TENM3: variants seen among roughly 807,000 people sequenced by gnomAD.
The protein encoded by TENM3 is teneurin transmembrane protein 3, also known as teneurin-3.
TENM3 carries 63 observed loss-of-function variants against 255.1 expected under a neutral mutation model. The observed-to-expected ratio is 0.25, with a 90% CI of 0.20 to 0.30. TENM3 has a LOEUF of 0.30. TENM3 is among the 10% of genes least tolerant of loss of function. The pLI, the probability that TENM3 is intolerant of heterozygous loss-of-function variation, is 1.00. For synonymous variants in TENM3, 1,306 were observed against 1,322.3 expected, an observed-to-expected ratio of 0.99 and a Z score of 0.27; for missense variants, 2,929 against 3,461.1, an observed-to-expected ratio of 0.85 and a Z score of 3.86.
the TENM3 span, among the ~76,000 whole-genome samples, chr4:181,753,515 T>A: frequency 7.0e-6 from 1 of 143,792 alleles, no homozygotes; most frequent in East Asian, 2.0e-4. Context: ...TACCCACAGT[T>A]GTTTTTGCAA....
chr4:181,505,056 G>A, the TENM3 span, among the ~76,000 whole-genome samples: 4 of 152,216 alleles, frequency 2.6e-5, no homozygotes, highest in Admixed American at 6.5e-5. Flanking sequence ...GCATAGCAGC[G>A]GTGCCTTGTG....
the TENM3 span, among the ~76,000 whole-genome samples, chr4:181,598,776 G>A: frequency 6.3e-3 from 956 of 152,000 alleles, 17 homozygotes; most frequent in African/African-American, 0.021. Context: ...GAAAATATGA[G>A]TATGAAGAGA....
chr4:181,956,668 G>A, the TENM3 span, among the ~76,000 whole-genome samples: 1 of 152,154 alleles, frequency 6.6e-6, no homozygotes, highest in Non-Finnish European at 1.5e-5. Flanking sequence ...CAAATGCAAG[G>A]AAATCAACAC....
rs746800423 is a variant in TENM3 at position 182,792,957 on chromosome 4, C to T, written c.6285C>T (p.Phe2095=). The stretch of plus-strand genomic sequence containing the variant: ...TCAAGGAGATTCAATATGAGATATT[C>T]AGGTCGCTCATGTACTGGATTACAA... ...GRIKEIQYEI[F]RSLMYWITIQ... Residue 2095 remains phenylalanine, a synonymous_variant, in exon 26 of 28, where the codon TTC becomes TTT. Coordinates refer to ENST00000511685, the MANE Select transcript of TENM3 (RefSeq NM_001080477.4). This position sits in a 1 kb window ranked among gnomAD's most constrained non-coding sequence, Gnocchi z 6.3. 1 of 1,613,616 alleles carries T rather than the reference C, an allele frequency of 6.2e-7. No individual in the cohort carries two copies. Among genetic ancestry groups the T allele is most frequent in the East Asian group, 2.2e-5 (1 of 44,890 alleles).
chr4:181,714,064 C>A, the TENM3 span, among the ~76,000 whole-genome samples: 1 of 152,134 alleles, frequency 6.6e-6, no homozygotes, highest in Non-Finnish European at 1.5e-5. Context: ...CAGAGCATCC[C>A]CTGGGCATAG....
At chr4:181,516,479 C>T in the TENM3 span, among the ~76,000 whole-genome samples, 4 of 151,922 alleles carry the variant, frequency 2.6e-5, no homozygotes, top group Admixed American at 6.5e-5. Flanking sequence ...AGTCCCAGGC[C>T]CCAAAATAAC....
At chr4:181,869,686 G>T in the TENM3 span, among the ~76,000 whole-genome samples, 1 of 152,098 alleles carries the variant, frequency 6.6e-6, no homozygotes, top group African/African-American at 2.4e-5. Context: ...TTAGAGAGAT[G>T]TATAAGCTTA....
At chr4:181,817,052 G>T in the TENM3 span, among the ~76,000 whole-genome samples, 1 of 152,178 alleles carries the variant, frequency 6.6e-6, no homozygotes, top group Non-Finnish European at 1.5e-5. Context: ...TTGAACTCAG[G>T]ACTCCACTCT....
intron 6 of TENM3, among the ~76,000 whole-genome samples, chr4:182,665,097 G>A (rs1754554166): frequency 6.6e-6 from 1 of 152,188 alleles, no homozygotes; most frequent in African/African-American, 2.4e-5. Context: ...CTAGAGAGGA[G>A]AAGTCAAGGC....
At chr4:182,670,828 C>A (rs569867988) in intron 6 of TENM3, among the ~76,000 whole-genome samples, 41 of 152,262 alleles carry the variant, frequency 2.7e-4, no homozygotes, top group Non-Finnish European at 1.9e-4. Flanking sequence ...CACCCCACCA[C>A]CACACAAGAA....
chr4:182,555,789 A>C (rs1742525518), intron 3 of TENM3, among the ~76,000 whole-genome samples: 1 of 152,164 alleles, frequency 6.6e-6, no homozygotes, highest in Non-Finnish European at 1.5e-5. Context: ...AAATTTCCTG[A>C]AAATTAAAAA....
At chr4:181,493,641 GGAGGCT>G in the TENM3 span, among the ~76,000 whole-genome samples, 2 of 152,056 alleles carry the variant, frequency 1.3e-5, no homozygotes, top group Admixed American at 6.5e-5. Context: ...CAGCTACTTG[GGAGGCT>G]GAGGCAGGAG....
chr4:182,466,960 C>CT (rs1413713964), intron 3 of TENM3, among the ~76,000 whole-genome samples: 2 of 151,450 alleles, frequency 1.3e-5, no homozygotes, highest in Non-Finnish European at 2.9e-5. Context: ...TCTGCCAAAA[C>CT]TGACTTATGT....
chr4:182,355,118 A>G (rs1484704679), intron 3 of TENM3, among the ~76,000 whole-genome samples: 1 of 152,188 alleles, frequency 6.6e-6, no homozygotes, highest in African/African-American at 2.4e-5. Flanking sequence ...TTGCCAACAG[A>G]GACTGGGGGC....
chr4:182,419,509 C>T (rs1305099416), intron 3 of TENM3, among the ~76,000 whole-genome samples: 1 of 152,168 alleles, frequency 6.6e-6, no homozygotes, highest in Non-Finnish European at 1.5e-5. Flanking sequence ...ACCCAGCCAT[C>T]CCATTACTGG....
the TENM3 span, among the ~76,000 whole-genome samples, chr4:182,099,153 G>A: frequency 1.3e-5 from 2 of 151,670 alleles, no homozygotes; most frequent in Admixed American, 6.6e-5. Context: ...TAGTAGAGAC[G>A]GGGTTTCACC....
the TENM3 span, among the ~76,000 whole-genome samples, chr4:181,949,806 C>T: frequency 1.8e-4 from 28 of 152,236 alleles, no homozygotes; most frequent in African/African-American, 6.0e-4. Flanking sequence ...CAGTCCTCCT[C>T]TCAAGCCCCC....
the TENM3 span, among the ~76,000 whole-genome samples, chr4:181,690,579 G>A: frequency 2.6e-5 from 4 of 151,924 alleles, no homozygotes; most frequent in Middle Eastern, 3.2e-3. Context: ...TATGCTCAAC[G>A]AAATTGTGAC....
At chr4:182,543,612 G>T (rs1188807058) in intron 3 of TENM3, among the ~76,000 whole-genome samples, 2 of 151,976 alleles carry the variant, frequency 1.3e-5, no homozygotes, top group Non-Finnish European at 2.9e-5. Context: ...GTTCTTTAAA[G>T]TCTCATCTTT....
Sources: allele counts gnomAD v4.1 joint callset (sites outside exome capture counted in the v4.1 genomes callset), GRCh38; gene constraint gnomAD v4.1.1; non-coding constraint Gnocchi (gnomAD v3.1); transcripts MANE v1.5; gene names NCBI Gene and HGNC (gene_info 2026-07-23, HGNC 2026-07-21).